The following PCDHGA9 variants were observed in gnomAD, a reference collection of about 807,000 sequenced individuals.
PCDHGA9 encodes protocadherin gamma subfamily A, 9.
A neutral mutation model predicts 62.5 loss-of-function variants in PCDHGA9; 37 were observed. That is an observed-to-expected ratio of 0.59 (90% CI 0.46 to 0.78). PCDHGA9 has a LOEUF of 0.78. Ranked by LOEUF, PCDHGA9 falls within the 30% of genes least tolerant of loss-of-function variation. The pLI is 0.00. For synonymous variants in PCDHGA9, 459 were observed against 484.6 expected (o/e 0.95, Z 0.69); for missense variants, 1,138 against 1,166.2 (o/e 0.98, Z 0.35).
At chr5:141,463,418 C>A (rs1442067485) in intron 1 of PCDHGA9, among the ~76,000 whole-genome samples, 3 of 138,240 alleles carry the variant, frequency 2.2e-5, no homozygotes, top group Admixed American at 7.4e-5. Context: ...TCCTAGTTTG[C>A]GGATCCTCAT....
chr5:141,422,633 G>T lies in PCDHGA9; in HGVS notation c.2424+17257G>T, dbSNP rs769515606. 10 of 1,613,120 alleles carry T rather than the reference G, an allele frequency of 6.2e-6. No individual in the cohort carries two copies. In the East Asian group the frequency reaches 2.0e-4, roughly 32 times the overall value. ...TACATTCCCGAAAACAACCCCAGGG[G>T]TGCCTCCATCTTCTCAGTGACCGCC... On this transcript the variant is annotated intron_variant, in intron 1 of 3. Coordinates refer to ENST00000573521, the MANE Select transcript of PCDHGA9 (RefSeq NM_018921.3).
At chr5:141,507,831 T>C (rs2099864030) in intron 3 of PCDHGA9, among the ~76,000 whole-genome samples, 1 of 152,134 alleles carries the variant, frequency 6.6e-6, no homozygotes, top group African/African-American at 2.4e-5. Context: ...GTGGAGGTGG[T>C]GGGTCAGGCC....
chr5:141,412,839 G>A, intron 1 of PCDHGA9: 1 of 203,324 alleles, frequency 4.9e-6, no homozygotes, highest in Admixed American at 5.8e-5. Context: ...TTAAAGATAG[G>A]AGTGGAGAAA....
intron 1 of PCDHGA9, among the ~76,000 whole-genome samples, chr5:141,466,790 A>C (rs1240777427): frequency 2.0e-5 from 3 of 152,210 alleles, no homozygotes; most frequent in Non-Finnish European, 2.9e-5. Context: ...TTAGTGCCTC[A>C]AACTAGATCC....
In PCDHGA9 at chr5:141,493,577, T is replaced by C. The variant is rs2099749081; in HGVS notation, c.2425-1230T>C. On this transcript the variant is annotated intron_variant, in intron 1 of 3. Coordinates refer to ENST00000573521, the MANE Select transcript of PCDHGA9 (RefSeq NM_018921.3). This position sits in a 1 kb window ranked among gnomAD's most constrained non-coding sequence, Gnocchi z 4.3. ...GAGTTCCCCCAGCTCCGTTTCCTCC[T>C]ATCACAATCACTGCATTTCCATGTA... Among the ~76,000 whole-genome samples, 2 of 152,208 alleles carry C rather than the reference T, an allele frequency of 1.3e-5. No homozygotes were observed. The highest frequency in any genetic ancestry group is 1.3e-4 in the Admixed American group (2 of 15,280).
intron 1 of PCDHGA9, among the ~76,000 whole-genome samples, chr5:141,455,125 A>G (rs952979433): frequency 3.5e-4 from 53 of 151,762 alleles, no homozygotes; most frequent in Non-Finnish European, 1.0e-4. Flanking sequence ...CTAATGTTTT[A>G]AATTACACTG....
At chr5:141,500,184 T>A (rs889800014) in intron 2 of PCDHGA9, among the ~76,000 whole-genome samples, 89 of 135,966 alleles carry the variant, frequency 6.5e-4, no homozygotes, top group African/African-American at 2.4e-3. Flanking sequence ...TCATTTTTAT[T>A]TTTATTTATT....
rs781644500 is a variant in PCDHGA9, at chr5:141,404,043, C to G, written c.1091C>G (p.Thr364Arg). The G allele has an allele frequency of 6.2e-7, 1 of 1,613,726 alleles. No individual in the cohort carries two copies. Among genetic ancestry groups the G allele is most frequent in the African/African-American group, 1.3e-5 (1 of 74,908 alleles). Residue 364 changes from threonine (T) to arginine (R), a missense_variant, in exon 1 of 4, where the codon ACA becomes AGA. Thr to Arg is a moderately conservative substitution (Grantham distance 71, BLOSUM62 -1). Transcript: ENST00000573521. The stretch of plus-strand genomic sequence containing the variant: ...GTGAGAGAAGACGCACCTCAGGGAA[C>G]AGTAATTCTTCTTTTCAATGCTCAT... ...SPVREDAPQG[T>R]VILLFNAHDR...
intron 1 of PCDHGA9, chr5:141,422,543 T>A: frequency 3.1e-6 from 5 of 1,614,000 alleles, no homozygotes; most frequent in Non-Finnish European, 4.2e-6. Flanking sequence ...GAAACTCATG[T>A]CTGGCTGAAT....
At chr5:141,475,583 G>A (rs1181419200) in intron 1 of PCDHGA9, among the ~76,000 whole-genome samples, 1 of 152,198 alleles carries the variant, frequency 6.6e-6, no homozygotes, top group Non-Finnish European at 1.5e-5. Context: ...CAGATTTGTT[G>A]GTGTTTTTCC....
intron 1 of PCDHGA9, chr5:141,479,325 A>C (rs2099492835): frequency 6.6e-6 from 1 of 152,648 alleles, no homozygotes; most frequent in South Asian, 2.1e-4. Context: ...AGCCAGACTC[A>C]GTGGTGTGCA....
chr5:141,413,288 C>T (rs2095623576), intron 1 of PCDHGA9: 2 of 1,613,950 alleles, frequency 1.2e-6, no homozygotes, highest in East Asian at 4.5e-5. Flanking sequence ...ATCTCCTACT[C>T]AATTCCTGAG....
At chr5:141,415,036 T>C (rs772612744) in intron 1 of PCDHGA9, 1 of 1,613,526 alleles carries the variant, frequency 6.2e-7, no homozygotes, top group Admixed American at 1.7e-5. Context: ...GCCGGGACTC[T>C]TCGCGGTGGG....
chr5:141,404,214 C>T lies in PCDHGA9; in HGVS notation c.1262C>T (p.Thr421Met), dbSNP rs1169013129. Residue 421 changes from threonine to methionine, a missense_variant, in exon 1 of 4, where the codon ACG (threonine) becomes ATG (methionine). By Grantham distance (81) the Thr-to-Met change is moderately conservative. Coordinates refer to ENST00000573521, the MANE Select transcript of PCDHGA9 (RefSeq NM_018921.3). ...GAAAAAGCCTCAGAATATAATATCA[C>T]GGTGACTGCAACAGACAGAGGAACT... ...DREKASEYNI[T>M]VTATDRGTPP... is the part of the protein sequence containing the mutation. 11 of 1,613,562 alleles carry T rather than the reference C, an allele frequency of 6.8e-6. No individual in the cohort carries two copies. In the Admixed American group the frequency reaches 1.3e-4, roughly 20 times the overall value.
chr5:141,507,862 G>T (rs17286954), intron 3 of PCDHGA9, among the ~76,000 whole-genome samples: 20,426 of 152,154 alleles, frequency 0.13, 1,374 homozygotes, highest in Admixed American at 0.16. Context: ...TTTCACACCC[G>T]CTTCCTAGCC....
chr5:141,471,112 G>A (rs1442344944), intron 1 of PCDHGA9, among the ~76,000 whole-genome samples: 3 of 147,914 alleles, frequency 2.0e-5, no homozygotes, highest in Non-Finnish European at 4.4e-5. Flanking sequence ...GCAGTGGTGC[G>A]ATCTTACCTT....
intron 1 of PCDHGA9, 176 bp downstream of exon 1, chr5:141,405,552 G>A (rs2094685427): frequency 1.6e-6 from 1 of 623,718 alleles, no homozygotes. Context: ...CCCAAGTAGA[G>A]TAGCTGGGAC....
chr5:141,484,845 G>T (rs541372844), intron 1 of PCDHGA9, among the ~76,000 whole-genome samples: 10 of 152,076 alleles, frequency 6.6e-5, no homozygotes, highest in Admixed American at 2.6e-4. Flanking sequence ...GATAGGCTGG[G>T]TTTTTTGGGG....
At chr5:141,508,242 GC>G (rs1344624071) in intron 3 of PCDHGA9, 1 of 152,310 alleles carries the variant, frequency 6.6e-6, no homozygotes, top group African/African-American at 2.4e-5. Context: ...TCCTAAGTCT[GC>G]CTCTCCTGGG....
Sources: gnomAD v4.1 joint callset for allele counts (sites outside exome capture counted in the v4.1 genomes callset) on GRCh38, gnomAD v4.1.1 for gene constraint, Gnocchi (gnomAD v3.1) non-coding constraint, MANE v1.5 for transcripts, NCBI Gene and HGNC (gene_info 2026-07-23, HGNC 2026-07-21) for gene names.